LRRC4C: variants seen among roughly 807,000 people sequenced by gnomAD.
LRRC4C encodes the protein leucine rich repeat containing 4C, also known as leucine-rich repeat-containing protein 4C.
A neutral mutation model predicts 33.6 loss-of-function variants in LRRC4C; 5 were observed. The observed-to-expected ratio is 0.15, with a 90% CI of 0.08 to 0.31. The LOEUF (loss-of-function observed/expected upper bound fraction) is 0.31. LRRC4C is among the 10% of genes least tolerant of loss of function. The probability of loss-of-function intolerance (pLI) is 1.00; values close to 1 mark genes in which losing one functional copy is unlikely to be tolerated. For synonymous variants in LRRC4C, 329 were observed against 302.0 expected (o/e 1.09, Z -0.93); for missense variants, 560 against 796.7 (o/e 0.70, Z 3.58).
chr11:40,872,554 C>T (rs1954704466), intron 2 of LRRC4C, among the ~76,000 whole-genome samples: 1 of 152,002 alleles, frequency 6.6e-6, no homozygotes. Flanking sequence ...AATGTCTCTT[C>T]TTAAAGACCA....
At chr11:40,549,611 C>T (rs995849994) in intron 3 of LRRC4C, among the ~76,000 whole-genome samples, 10 of 152,090 alleles carry the variant, frequency 6.6e-5, no homozygotes, top group African/African-American at 2.4e-4. Context: ...AATAAGAAAG[C>T]TGTATGCTCA....
chr11:40,681,160 T>A (rs554408012), intron 2 of LRRC4C, among the ~76,000 whole-genome samples: 12 of 152,132 alleles, frequency 7.9e-5, no homozygotes, highest in Non-Finnish European at 1.8e-4. Context: ...AGAGGTAATA[T>A]AAACATTTAA....
At chr11:41,101,658 A>T (rs1044454289) in intron 1 of LRRC4C, among the ~76,000 whole-genome samples, 1 of 152,222 alleles carries the variant, frequency 6.6e-6, no homozygotes, top group Non-Finnish European at 1.5e-5. Flanking sequence ...TATATACCCA[A>T]AGGAATATAA....
chr11:40,444,512 G>A (rs1438573219), intron 3 of LRRC4C, among the ~76,000 whole-genome samples: 1 of 151,694 alleles, frequency 6.6e-6, no homozygotes, highest in African/African-American at 2.4e-5. Flanking sequence ...CTGAATTGAA[G>A]TGGTTTTACT....
chr11:41,395,841 A>G (rs1295455244), intron 1 of LRRC4C, among the ~76,000 whole-genome samples: 2 of 151,926 alleles, frequency 1.3e-5, no homozygotes, highest in Admixed American at 1.3e-4. Flanking sequence ...TTAAATACCA[A>G]TCTTCTAACC....
At chr11:40,784,080 T>TTATATATA (rs10691904) in intron 2 of LRRC4C, among the ~76,000 whole-genome samples, 256 of 150,756 alleles carry the variant, frequency 1.7e-3, no homozygotes, top group African/African-American at 6.2e-3. Flanking sequence ...AGATGTTTAT[T>TTATATATA]TATATATATA....
chr11:41,168,981 T>C (rs1406615635), intron 1 of LRRC4C, among the ~76,000 whole-genome samples: 1 of 152,130 alleles, frequency 6.6e-6, no homozygotes. Flanking sequence ...CGCAAGGAGA[T>C]TGTGAAATAG....
intron 4 of LRRC4C, among the ~76,000 whole-genome samples, chr11:40,309,841 G>A (rs372642241): frequency 2.0e-5 from 3 of 152,128 alleles, no homozygotes; most frequent in East Asian, 1.9e-4. Flanking sequence ...CAGGCCCCCA[G>A]AAGCAGGAAG....
chr11:41,236,097 G>A (rs958887236), intron 1 of LRRC4C, among the ~76,000 whole-genome samples: 5 of 152,052 alleles, frequency 3.3e-5, no homozygotes, highest in Admixed American at 2.0e-4. Context: ...AATGAGGACT[G>A]GTTAAGTTTG....
intron 1 of LRRC4C, among the ~76,000 whole-genome samples, chr11:40,975,689 C>T (rs1852032646): frequency 6.6e-6 from 1 of 152,202 alleles, no homozygotes; most frequent in Admixed American, 6.5e-5. Context: ...ATCTTCACAG[C>T]TCCATGCAGT....
intron 3 of LRRC4C, among the ~76,000 whole-genome samples, chr11:40,373,351 A>G (rs916410156): frequency 2.6e-5 from 4 of 152,218 alleles, no homozygotes; most frequent in African/African-American, 9.6e-5. Flanking sequence ...AGTTCTGTTT[A>G]TAAAAAATAT....
chr11:40,989,058 T>C (rs750854228), intron 1 of LRRC4C, among the ~76,000 whole-genome samples: 12 of 152,110 alleles, frequency 7.9e-5, no homozygotes, highest in Non-Finnish European at 1.8e-4. Context: ...ACATACTGGC[T>C]GTTAAATATT....
chr11:40,197,440 TC>T lies in LRRC4C; in HGVS notation c.-96+44078del, dbSNP rs1308155959. 4.6e-5 allele frequency among the ~76,000 whole-genome samples: 7 copies of T among 152,332 alleles called. No homozygotes were observed. The Middle Eastern group carries it at 0.01, about 222-fold the overall frequency. ...TTATTAAAACGGTGATTGCATTATA[TC>T]CTTTTCTTGCTCAGAAATGACCAAA... On this transcript the variant is annotated intron_variant, in intron 5 of 6. Transcript: ENST00000528697.
intron 3 of LRRC4C, among the ~76,000 whole-genome samples, chr11:40,528,313 T>G (rs1956137481): frequency 6.6e-6 from 1 of 152,010 alleles, no homozygotes; most frequent in Non-Finnish European, 1.5e-5. Flanking sequence ...ATATTATGAA[T>G]TCCTATAACT....
At chr11:41,313,630 TA>T (rs1470445579) in intron 1 of LRRC4C, among the ~76,000 whole-genome samples, 1 of 152,200 alleles carries the variant, frequency 6.6e-6, no homozygotes. Flanking sequence ...AAATGATTGT[TA>T]AAGGGTCTAT....
At chr11:41,096,976 G>T (rs1940847121) in intron 1 of LRRC4C, among the ~76,000 whole-genome samples, 1 of 152,084 alleles carries the variant, frequency 6.6e-6, no homozygotes, top group Non-Finnish European at 1.5e-5. Context: ...GGTCCTCAAA[G>T]GTATGAAGAA....
intron 1 of LRRC4C, among the ~76,000 whole-genome samples, chr11:41,444,865 A>G (rs1955770124): frequency 6.6e-6 from 1 of 150,818 alleles, no homozygotes; most frequent in Non-Finnish European, 1.5e-5. Flanking sequence ...GTGCAATAGC[A>G]TGATCTCAGC....
chr11:40,379,362 C>G (rs573724336), intron 3 of LRRC4C, among the ~76,000 whole-genome samples: 1 of 151,972 alleles, frequency 6.6e-6, no homozygotes, highest in Non-Finnish European at 1.5e-5. Context: ...GTTTTAAACC[C>G]AATTATTTCT....
At chr11:40,965,543 G>A (rs1851290773) in intron 1 of LRRC4C, among the ~76,000 whole-genome samples, 1 of 152,120 alleles carries the variant, frequency 6.6e-6, no homozygotes, top group Non-Finnish European at 1.5e-5. Flanking sequence ...ATTAATTTTT[G>A]TATAAGGTGT....
Sources: allele counts gnomAD v4.1 joint callset (sites outside exome capture counted in the v4.1 genomes callset), GRCh38; gene constraint gnomAD v4.1.1; transcripts MANE v1.5; gene names NCBI Gene and HGNC (gene_info 2026-07-23, HGNC 2026-07-21).